Variants in PDCD6IP observed in about 807,000 individuals in gnomAD.
PDCD6IP encodes the protein programmed cell death 6-interacting protein.
Under a neutral mutation model 103.7 loss-of-function variants are expected in PDCD6IP, and 43 were observed. The observed-to-expected ratio is 0.41, with a 90% CI of 0.32 to 0.53. The LOEUF is 0.53. PDCD6IP is among the 20% of genes least tolerant of loss of function. The pLI is 0.16. For synonymous variants in PDCD6IP, 354 were observed against 378.7 expected (o/e 0.93, Z 0.76); for missense variants, 871 against 1,036.7 (o/e 0.84, Z 2.20).
chr3:33,854,680 G>A (rs1389772289), intron 14 of PDCD6IP: 1 of 152,364 alleles, frequency 6.6e-6, no homozygotes, highest in Non-Finnish European at 1.5e-5. Context: ...ATACTGCAAA[G>A]CCTTCCAAAT....
intron 13 of PDCD6IP, 41 bp downstream of exon 13, chr3:33,852,777 T>C (rs1176590324): frequency 6.5e-7 from 1 of 1,538,276 alleles, no homozygotes; most frequent in Admixed American, 2.1e-5. Flanking sequence ...TTTTAAAAAT[T>C]ACAGAAAAGA....
At chr3:33,862,390 G>C (rs959967351) in intron 15 of PDCD6IP, among the ~76,000 whole-genome samples, 24 of 151,810 alleles carry the variant, frequency 1.6e-4, no homozygotes, top group African/African-American at 5.3e-4. Context: ...AGATGTTTTG[G>C]GACATGTCAT....
intron 1 of PDCD6IP, among the ~76,000 whole-genome samples, chr3:33,809,565 C>G (rs970726888): frequency 1.3e-5 from 2 of 152,204 alleles, no homozygotes; most frequent in African/African-American, 4.8e-5. Context: ...AGTTTATTTC[C>G]TGAGTACAAA....
intron 15 of PDCD6IP, among the ~76,000 whole-genome samples, chr3:33,859,436 T>C (rs576000409): frequency 6.6e-6 from 1 of 152,096 alleles, no homozygotes; most frequent in South Asian, 2.1e-4. Flanking sequence ...TATTTGAAAC[T>C]TATTCACAGG....
At chr3:33,804,776 GCCATA>G (rs1696554830) in intron 1 of PDCD6IP, among the ~76,000 whole-genome samples, 1 of 152,072 alleles carries the variant, frequency 6.6e-6, no homozygotes, top group Admixed American at 6.5e-5. Context: ...GTTACTTTTT[GCCATA>G]CTCTCTGCTG....
intron 4 of PDCD6IP, among the ~76,000 whole-genome samples, chr3:33,823,303 T>C (rs1469973997): frequency 3.9e-5 from 6 of 152,316 alleles, no homozygotes; most frequent in Non-Finnish European, 7.3e-5. Context: ...GGTAGTCTGC[T>C]TTTTCCCGTT....
chr3:33,861,616 G>T (rs1239696384), intron 15 of PDCD6IP, among the ~76,000 whole-genome samples: 1 of 152,190 alleles, frequency 6.6e-6, no homozygotes, highest in Non-Finnish European at 1.5e-5. Context: ...TGTATGCTCA[G>T]TTGATATTGT....
intron 1 of PDCD6IP, among the ~76,000 whole-genome samples, chr3:33,807,978 T>C (rs1696634376): frequency 6.6e-6 from 1 of 152,242 alleles, no homozygotes; most frequent in African/African-American, 2.4e-5. Context: ...TCCCTTCTTA[T>C]GGGCTTGTTC....
At chr3:33,807,057 A>G (rs1404067415) in intron 1 of PDCD6IP, among the ~76,000 whole-genome samples, 2 of 152,172 alleles carry the variant, frequency 1.3e-5, no homozygotes, top group Admixed American at 1.3e-4. Context: ...CATAGCTTCT[A>G]ATCATTCAGT....
chr3:33,805,720 AT>A (rs112781385), intron 1 of PDCD6IP, among the ~76,000 whole-genome samples: 599 of 141,400 alleles, frequency 4.2e-3, no homozygotes, highest in Middle Eastern at 7.5e-3. Context: ...TACCTGGCCA[AT>A]TTTTTTTTTT....
rs759247199 is a variant in PDCD6IP at position 33,852,773 on chromosome 3, A to G, written c.1890+37A>G. 7.1e-6 allele frequency: 11 copies of G among 1,539,836 alleles called. No homozygotes were observed. The East Asian group carries it at 2.5e-4, about 35-fold the overall frequency. On this transcript the variant is annotated intron_variant, in intron 13 of 17. Coordinates refer to ENST00000307296, the MANE Select transcript of PDCD6IP (RefSeq NM_013374.6). ...ATATTTAATAAGATCTGTGTTTTAA[A>G]AATTACAGAAAAGATATGTCTGGAC...
intron 1 of PDCD6IP, among the ~76,000 whole-genome samples, chr3:33,804,214 G>A (rs1234270034): frequency 6.6e-6 from 1 of 152,164 alleles, no homozygotes; most frequent in African/African-American, 2.4e-5. Flanking sequence ...CACAAAGCTA[G>A]AGTCCCAGTT....
At chr3:33,860,058 G>A (rs1394136881) in intron 15 of PDCD6IP, among the ~76,000 whole-genome samples, 1 of 152,156 alleles carries the variant, frequency 6.6e-6, no homozygotes, top group Non-Finnish European at 1.5e-5. Flanking sequence ...ACAGAACAGT[G>A]TGTAGAGTAT....
chr3:33,836,326 C>A, intron 8 of PDCD6IP, 60 bp downstream of exon 8: 2 of 966,470 alleles, frequency 2.1e-6, no homozygotes, highest in Admixed American at 4.2e-5. Context: ...TCTGTTTTTC[C>A]TAGCTAAAAA....
chr3:33,837,692 G>A (rs539403375), intron 8 of PDCD6IP, among the ~76,000 whole-genome samples: 1 of 151,950 alleles, frequency 6.6e-6, no homozygotes, highest in East Asian at 1.9e-4. Context: ...GGGTTCAGAC[G>A]ATTCTCCTGC....
intron 1 of PDCD6IP, among the ~76,000 whole-genome samples, chr3:33,803,279 T>G (rs2125540517): frequency 6.6e-6 from 1 of 152,342 alleles, no homozygotes; most frequent in Non-Finnish European, 1.5e-5. Flanking sequence ...ATGGGAGTAC[T>G]TTATTCTTCC....
At chr3:33,830,807 C>T (rs2125559632) in intron 7 of PDCD6IP, among the ~76,000 whole-genome samples, 1 of 152,246 alleles carries the variant, frequency 6.6e-6, no homozygotes, top group East Asian at 1.9e-4. Context: ...GATTTGCACT[C>T]CCAAGAAGAC....
Position 33,798,887 on chromosome 3 carries a change from A to C in PDCD6IP, c.159A>C (p.Ala53=). ...AEELSKLRRA[A]VGRPLDKHEG... ...AGCTCAGCAAGCTGCGCCGCGCCGC[A>C]GTCGGTCGTCCGCTGGACAAGCACG... Residue 53 remains alanine (A), a synonymous_variant, in exon 1 of 18, where the codon GCA becomes GCC. Coordinates refer to ENST00000307296, the MANE Select transcript of PDCD6IP (RefSeq NM_013374.6). The C allele has an allele frequency of 6.5e-7, 1 of 1,548,122 alleles. No individual in the cohort carries two copies. The highest frequency in any genetic ancestry group is 8.7e-7 in the Non-Finnish European group (1 of 1,145,086).
At position 33,837,277 on chromosome 3, in the gene PDCD6IP, A is replaced by G. The variant is rs936898537; in HGVS notation, c.1058-927A>G. On this transcript the variant is annotated intron_variant, in intron 8 of 17. Coordinates refer to ENST00000307296, the MANE Select transcript of PDCD6IP (RefSeq NM_013374.6). ...TATTTGTATGAGATAAATACATGTT[A>G]TTATATTGTAGATGTATACAACAGA... Among the ~76,000 whole-genome samples, 37 of 152,226 alleles carry G rather than the reference A, an allele frequency of 2.4e-4. 1 individual carries two copies. Among genetic ancestry groups the G allele is most frequent in the African/African-American group, 8.2e-4 (34 of 41,460 alleles).
Sources: allele counts gnomAD v4.1 joint callset (sites outside exome capture counted in the v4.1 genomes callset), GRCh38; gene constraint gnomAD v4.1.1; transcripts MANE v1.5; gene names NCBI Gene and HGNC (gene_info 2026-07-23, HGNC 2026-07-21).